Variants in GALR2 observed in about 807,000 individuals in gnomAD.
GALR2 encodes the protein galanin receptor type 2.
Under a neutral mutation model 7.2 loss-of-function variants are expected in GALR2, and 5 were observed. The ratio of observed to expected loss-of-function variants is 0.69; its 90% confidence interval spans 0.36 to 1.45. The LOEUF (loss-of-function observed/expected upper bound fraction) is 1.45, where lower values mean the gene tolerates loss of function less well. GALR2 is among the 40% of genes most tolerant of loss of function. The pLI, the probability that GALR2 is intolerant of heterozygous loss-of-function variation, is 0.03. For synonymous variants in GALR2, 300 were observed against 263.9 expected (o/e 1.14, Z -1.32); for missense variants, 561 against 555.7 (o/e 1.01, Z -0.10).
upstream of GALR2, among the ~76,000 whole-genome samples, chr17:76,074,177 G>A (rs971736152): frequency 1.3e-5 from 2 of 151,964 alleles, no homozygotes; most frequent in African/African-American, 4.8e-5. The surrounding 1 kb of genome is among the most constrained non-coding windows in gnomAD (Gnocchi z 6.7). Flanking sequence ...CTAGCCAGAC[G>A]TTGTGGCGGA....
chr17:76,074,826 C>A lies in GALR2; in HGVS notation c.-58C>A. 7.0e-7 allele frequency: 1 copy of A among 1,437,040 alleles called. No homozygotes were observed. The highest frequency in any genetic ancestry group is 2.7e-5 in the Admixed American group (1 of 36,390). 89.0% of individuals were successfully genotyped at this position (1,437,040 alleles called of 1,614,324 possible). ...AGCGGCCGCAGCCCCGGGAGCTTCC[C>A]GCTCGCGGAGACCCAGACGGCTGCA... On this transcript the variant is annotated 5_prime_UTR_variant, in exon 1 of 2. Coordinates refer to ENST00000329003, the MANE Select transcript of GALR2 (RefSeq NM_003857.4). The surrounding 1 kb of genome is among the most constrained non-coding windows in gnomAD (Gnocchi z 6.7).
rs1244870531 is a variant in GALR2 at position 76,076,338 on chromosome 17, C to T, written c.369-298C>T. Among the ~76,000 whole-genome samples the T allele has an allele frequency of 5.3e-5, 8 of 152,222 alleles. No individual in the cohort carries two copies. The highest frequency in any genetic ancestry group is 1.4e-4 in the African/African-American group (6 of 41,440). ...TAGTCTTCAGTGGCTTTGGGGTGCC[C>T]TCTCAGTGGAGACTGTGGTTGCAGT... On this transcript the variant is annotated intron_variant, in intron 1 of 1. Coordinates refer to ENST00000329003, the MANE Select transcript of GALR2 (RefSeq NM_003857.4). The surrounding 1 kb of genome is among the most constrained non-coding windows in gnomAD (Gnocchi z 6.5).
At chr17:76,072,323 T>G, upstream of GALR2, 1 of 1,612,328 alleles carries the variant, frequency 6.2e-7, no homozygotes. This position sits in a 1 kb window ranked among gnomAD's most constrained non-coding sequence, Gnocchi z 4.5. Flanking sequence ...AAACTCAGGC[T>G]ATCCCCAAAT....
At chr17:76,074,402 GGATATCCTGCACCCCTGCCAGGCTGCA>G (rs2066877272), upstream of GALR2, among the ~76,000 whole-genome samples, 1 of 152,208 alleles carries the variant, frequency 6.6e-6, no homozygotes, top group African/African-American at 2.4e-5. This position sits in a 1 kb window ranked among gnomAD's most constrained non-coding sequence, Gnocchi z 6.7. Context: ...GACGGTCCCG[GGATATCCTGCACCCCTGCCAGGCTGCA>G]GGGAAGCGCC....
At chr17:76,072,816 C>G (rs1214522467), upstream of GALR2, among the ~76,000 whole-genome samples, 1 of 152,256 alleles carries the variant, frequency 6.6e-6, no homozygotes, top group Non-Finnish European at 1.5e-5. This position sits in a 1 kb window ranked among gnomAD's most constrained non-coding sequence, Gnocchi z 4.5. Context: ...GACTGGGGAT[C>G]TGGTTCACGT....
upstream of GALR2, among the ~76,000 whole-genome samples, chr17:76,073,297 ATTT>A (rs1200967640): frequency 1.5e-5 from 2 of 129,732 alleles, no homozygotes; most frequent in Admixed American, 7.8e-5. Context: ...TAAATGACGG[ATTT>A]TTTTTTTTTT....
rs774001230 is a variant in GALR2 at position 76,076,648 on chromosome 17, C to G, written c.381C>G (p.Ile127Met). The change falls in exon 2 of 2, where the codon ATC becomes ATG. Residue 127 changes from isoleucine to methionine, a missense_variant. Coordinates refer to ENST00000329003, the MANE Select transcript of GALR2 (RefSeq NM_003857.4). This position sits in a 1 kb window ranked among gnomAD's most constrained non-coding sequence, Gnocchi z 6.5. ...AAVSLDRYLA[I>M]RYPLHSRELR... ...GGTCTGACCGCAGGTATCTGGCCAT[C>G]CGCTACCCGCTGCACTCCCGCGAGC... 6.3e-7 allele frequency: 1 copy of G among 1,584,574 alleles called. No homozygotes were observed. The highest frequency in any genetic ancestry group is 8.5e-7 in the Non-Finnish European group (1 of 1,169,942).
At chr17:76,074,527 G>T (rs1196751144), upstream of GALR2, among the ~76,000 whole-genome samples, 2 of 152,250 alleles carry the variant, frequency 1.3e-5, no homozygotes, top group African/African-American at 4.8e-5. The surrounding 1 kb of genome is among the most constrained non-coding windows in gnomAD (Gnocchi z 6.7). Context: ...TCCGGCGTCT[G>T]CCGGGGAAGT....
Position 76,077,494 on chromosome 17 carries a change from A to G in GALR2, c.*63A>G. The G allele has an allele frequency of 7.4e-7, 1 of 1,347,384 alleles. No individual in the cohort carries two copies. The highest frequency in any genetic ancestry group is 9.8e-7 in the Non-Finnish European group (1 of 1,018,624). 83.5% of individuals were successfully genotyped at this position (1,347,384 alleles called of 1,614,324 possible). ...GAGTCATTGTTGGGGGACCGTGGGG[A>G]GAGCTTTGCCTGTTAATAAAACGCA... On this transcript the variant is annotated 3_prime_UTR_variant, in exon 2 of 2. Transcript: ENST00000329003.
At position 76,076,114 on chromosome 17, in the gene GALR2, G is replaced by A. The variant is rs952169947; in HGVS notation, c.369-522G>A. On this transcript the variant is annotated intron_variant, in intron 1 of 1. Transcript: ENST00000329003. This position sits in a 1 kb window ranked among gnomAD's most constrained non-coding sequence, Gnocchi z 6.5. Reference sequence around the variant, plus strand: ...CCTGTAGCCACTGAGCGCGAAGTGCGTTGGTTCCGAGCGCGCTGGTGGGAT... The same window carrying A: ...CCTGTAGCCACTGAGCGCGAAGTGCATTGGTTCCGAGCGCGCTGGTGGGAT... Among the ~76,000 whole-genome samples the A allele has an allele frequency of 6.6e-6, 1 of 152,262 alleles. No homozygotes were observed. Among genetic ancestry groups the A allele is most frequent in the Non-Finnish European group, 1.5e-5 (1 of 68,044 alleles).
upstream of GALR2, among the ~76,000 whole-genome samples, chr17:76,074,439 C>CGAGTGCGCG (rs1467894430): frequency 6.6e-6 from 1 of 152,230 alleles, no homozygotes; most frequent in Admixed American, 6.5e-5. The surrounding 1 kb of genome is among the most constrained non-coding windows in gnomAD (Gnocchi z 6.7). Context: ...AGGGAAGCGC[C>CGAGTGCGCG]GAGGCGCGCG....
chr17:76,074,190 C>T (rs1336452903), upstream of GALR2, among the ~76,000 whole-genome samples: 4 of 152,096 alleles, frequency 2.6e-5, no homozygotes, highest in East Asian at 5.8e-4. This position sits in a 1 kb window ranked among gnomAD's most constrained non-coding sequence, Gnocchi z 6.7. Context: ...GTGGCGGACG[C>T]CTGTAGTCCC....
upstream of GALR2, chr17:76,072,685 C>A: frequency 8.5e-7 from 1 of 1,170,974 alleles, no homozygotes; most frequent in Non-Finnish European, 1.1e-6. This position sits in a 1 kb window ranked among gnomAD's most constrained non-coding sequence, Gnocchi z 4.5. Flanking sequence ...GGAATTGTGG[C>A]TGGCTAGGTG....
Position 76,075,369 on chromosome 17 carries a change from T to C in GALR2, c.368+118T>C, listed in dbSNP as rs545853170. On this transcript the variant is annotated intron_variant, in intron 1 of 1. Coordinates refer to ENST00000329003, the MANE Select transcript of GALR2 (RefSeq NM_003857.4). This position sits in a 1 kb window ranked among gnomAD's most constrained non-coding sequence, Gnocchi z 5.9. Reference sequence around the variant, plus strand: ...GTGGGACAGGACACTAAGAAGGCAGTGGAAGACAAGCGGGCGCGGAGGAGG... The same window carrying C: ...GTGGGACAGGACACTAAGAAGGCAGCGGAAGACAAGCGGGCGCGGAGGAGG... 6.2e-6 allele frequency: 7 copies of C among 1,130,954 alleles called. No homozygotes were observed. Among genetic ancestry groups the C allele is most frequent in the Non-Finnish European group, 7.5e-6 (6 of 804,346 alleles). The allele number at this position is 1,130,954 out of a possible 1,614,324, so 70.1% of individuals were successfully genotyped here.
Position 76,076,820 on chromosome 17 carries a change from C to G in GALR2, c.553C>G (p.Arg185Gly). 1 of 1,605,608 alleles carries G rather than the reference C, an allele frequency of 6.2e-7. No homozygotes were observed. The highest frequency in any genetic ancestry group is 8.5e-7 in the Non-Finnish European group (1 of 1,179,730). Residue 185 changes from arginine (R) to glycine (G), a missense_variant, in exon 2 of 2, where the codon CGC becomes GGC. Arg to Gly is a moderately radical substitution (Grantham distance 125). Transcript: ENST00000329003. The surrounding 1 kb of genome is among the most constrained non-coding windows in gnomAD (Gnocchi z 6.5). ...CHPAWSAPRR[R>G]AMDICTFVFS... The stretch of plus-strand genomic sequence containing the variant: ...TCCCGCGTGGAGCGCCCCTCGCCGC[C>G]GCGCCATGGACATCTGCACCTTCGT...
upstream of GALR2, chr17:76,072,252 A>C: frequency 1.9e-6 from 3 of 1,595,214 alleles, no homozygotes; most frequent in East Asian, 4.7e-5. The surrounding 1 kb of genome is among the most constrained non-coding windows in gnomAD (Gnocchi z 4.5). Flanking sequence ...TCCCGCCCCC[A>C]GCCCTCCAGT....
chr17:76,077,379 C>G lies in GALR2; in HGVS notation c.1112C>G (p.Ser371Cys), dbSNP rs1202766607. Residue 371 changes from serine to cysteine, a missense_variant, in exon 2 of 2, where the codon TCC becomes TGC. Ser to Cys is a moderately radical substitution (Grantham distance 112). Coordinates refer to ENST00000329003, the MANE Select transcript of GALR2 (RefSeq NM_003857.4). ...ATCCTCGAGCCCTGTCCTGGCCCGT[C>G]CTGGCAGGGCCCAAAGGCAGGCGAC... is the stretch of plus-strand genomic sequence containing the variant. The part of the protein sequence containing the change: ...PCILEPCPGP[S>C]WQGPKAGDSI... 1.3e-6 allele frequency: 2 copies of G among 1,487,220 alleles called. No homozygotes were observed. Among genetic ancestry groups the G allele is most frequent in the African/African-American group, 2.8e-5 (2 of 71,520 alleles). 92.1% of individuals were successfully genotyped at this position (1,487,220 alleles called of 1,614,324 possible).
chr17:76,077,418 T>C lies in GALR2; in HGVS notation c.1151T>C (p.Val384Ala). Reference protein sequence around the residue: ...GPKAGDSILTVDVA With the variant: ...GPKAGDSILTADVA ...AAGGCAGGCGACAGCATCCTGACGG[T>C]TGATGTGGCCTGAAAGCACTTAGCG... Residue 384 changes from valine (V) to alanine (A), a missense_variant, in exon 2 of 2, where the codon GTT becomes GCT. Transcript: ENST00000329003. The C allele has an allele frequency of 1.4e-6, 2 of 1,453,184 alleles. No homozygotes were observed. Among genetic ancestry groups the C allele is most frequent in the Non-Finnish European group, 1.8e-6 (2 of 1,108,878 alleles). 90.0% of individuals were successfully genotyped at this position (1,453,184 alleles called of 1,614,324 possible).
chr17:76,077,490 G>T lies in GALR2; in HGVS notation c.*59G>T. 2 of 1,364,594 alleles carry T rather than the reference G, an allele frequency of 1.5e-6. No individual in the cohort carries two copies. The highest frequency in any genetic ancestry group is 1.5e-5 in the South Asian group (1 of 66,186). 84.5% of individuals were successfully genotyped at this position (1,364,594 alleles called of 1,614,324 possible). On this transcript the variant is annotated 3_prime_UTR_variant, in exon 2 of 2. Transcript: ENST00000329003. ...GTTGGAGTCATTGTTGGGGGACCGTGGGGAGAGCTTTGCCTGTTAATAAAA... is the reference window on the plus strand; with the variant it reads ...GTTGGAGTCATTGTTGGGGGACCGTTGGGAGAGCTTTGCCTGTTAATAAAA...
Sources: allele counts gnomAD v4.1 joint callset (sites outside exome capture counted in the v4.1 genomes callset), GRCh38; gene constraint gnomAD v4.1.1; non-coding constraint Gnocchi (gnomAD v3.1); transcripts MANE v1.5; gene names NCBI Gene and HGNC (gene_info 2026-07-23, HGNC 2026-07-21).